RGS7: variants seen among roughly 807,000 people sequenced by gnomAD.
The protein encoded by RGS7 is regulator of G protein signaling 7, also known as regulator of G-protein signaling 7.
In RGS7, 27 loss-of-function variants were observed where a neutral mutation model predicts 81.1. The observed-to-expected ratio is 0.33, with a 90% confidence interval of 0.25 to 0.46. RGS7 has a LOEUF of 0.46. Ranked by LOEUF, RGS7 falls within the 20% of genes least tolerant of loss-of-function variation. The pLI is 1.00. For missense variants in RGS7, 396 were observed against 607.4 expected (o/e 0.65, Z 3.66); for synonymous variants, 208 against 207.7 (o/e 1.00, Z -0.01).
chr1:240,809,118 C>T (rs1689396808), intron 14 of RGS7, among the ~76,000 whole-genome samples: 1 of 152,002 alleles, frequency 6.6e-6, no homozygotes, highest in Non-Finnish European at 1.5e-5. Flanking sequence ...TTTAGTCACT[C>T]AAAGATAAAA....
At chr1:240,855,350 A>AGAAATT (rs1372214081) in intron 9 of RGS7, among the ~76,000 whole-genome samples, 2 of 150,364 alleles carry the variant, frequency 1.3e-5, no homozygotes, top group East Asian at 3.9e-4. Context: ...AAGAAAAGGA[A>AGAAATT]GAAATTATCT....
intron 5 of RGS7, among the ~76,000 whole-genome samples, chr1:240,934,876 C>CTTTGTTTT (rs1676328316): frequency 1.5e-5 from 1 of 67,154 alleles, no homozygotes; most frequent in Admixed American, 1.7e-4. Context: ...CTTCACATGG[C>CTTTGTTTT]TTTTTTTTTT....
intron 3 of RGS7, among the ~76,000 whole-genome samples, chr1:240,997,052 T>C (rs1265200875): frequency 6.6e-6 from 1 of 152,154 alleles, no homozygotes; most frequent in Non-Finnish European, 1.5e-5. Flanking sequence ...TGGGCTTAAG[T>C]GATCCTCCCA....
At chr1:241,334,769 T>A (rs1291053222) in intron 2 of RGS7, among the ~76,000 whole-genome samples, 4 of 151,606 alleles carry the variant, frequency 2.6e-5, no homozygotes, top group Non-Finnish European at 4.4e-5. Context: ...AGAAAAAAAA[T>A]AGAAAAAAAA....
chr1:240,985,268 T>A (rs1685487906), intron 3 of RGS7, among the ~76,000 whole-genome samples: 1 of 152,238 alleles, frequency 6.6e-6, no homozygotes, highest in African/African-American at 2.4e-5. Context: ...GAGTTGAGCA[T>A]CTATTTGTGG....
chr1:241,170,412 A>G (rs1306174070), intron 2 of RGS7, among the ~76,000 whole-genome samples: 1 of 152,246 alleles, frequency 6.6e-6, no homozygotes, highest in Non-Finnish European at 1.5e-5. Context: ...AGGTGCAATC[A>G]TGATTTAATG....
At chr1:241,039,939 G>C (rs1375113913) in intron 3 of RGS7, among the ~76,000 whole-genome samples, 2 of 152,200 alleles carry the variant, frequency 1.3e-5, no homozygotes, top group African/African-American at 4.8e-5. Flanking sequence ...TGCTGTTAGA[G>C]TTGATGGGAT....
chr1:241,004,581 C>T (rs974908153), intron 3 of RGS7, among the ~76,000 whole-genome samples: 3 of 152,248 alleles, frequency 2.0e-5, no homozygotes, highest in Admixed American at 6.5e-5. Context: ...TGGATGAAGA[C>T]CCAAAGATAT....
chr1:241,189,379 T>C (rs1010137090), intron 2 of RGS7, among the ~76,000 whole-genome samples: 1 of 152,194 alleles, frequency 6.6e-6, no homozygotes, highest in African/African-American at 2.4e-5. Context: ...ATTCTTACTG[T>C]TGTGTTAGAA....
intron 3 of RGS7, among the ~76,000 whole-genome samples, chr1:241,069,859 T>C (rs2062325070): frequency 3.9e-5 from 6 of 152,186 alleles, no homozygotes; most frequent in Admixed American, 3.9e-4. Context: ...TAAAGAAGAA[T>C]TTATATGTCA....
rs569445155 is a variant in RGS7 at position 240,940,342 on chromosome 1, T to A, written c.227-3636A>T. On this transcript the variant is annotated intron_variant, in intron 4 of 18. Coordinates refer to ENST00000440928, the MANE Select transcript of RGS7 (RefSeq NM_001364886.1). ...GTACATGTAAAACTAATAAAATGTGTATGATTTTCTCTATTAATCTGCCTG... is the reference window on the plus strand; with the variant it reads ...GTACATGTAAAACTAATAAAATGTGAATGATTTTCTCTATTAATCTGCCTG... Among the ~76,000 whole-genome samples, 3 of 152,332 alleles carry A rather than the reference T, an allele frequency of 2.0e-5. No individual in the cohort carries two copies. In the East Asian group the frequency reaches 5.8e-4, roughly 29 times the overall value.
chr1:241,120,691 A>T (rs1034217872), intron 2 of RGS7, among the ~76,000 whole-genome samples: 1 of 152,088 alleles, frequency 6.6e-6, no homozygotes, highest in African/African-American at 2.4e-5. Flanking sequence ...CTGTACAGAG[A>T]TCTTTTTACC....
intron 6 of RGS7, among the ~76,000 whole-genome samples, chr1:240,925,007 T>G (rs1197336884): frequency 6.6e-6 from 1 of 152,184 alleles, no homozygotes; most frequent in Non-Finnish European, 1.5e-5. Context: ...CTGTCTTTTT[T>G]GGACATTTCA....
rs868521266 is a variant in RGS7, at chr1:241,324,344, A to C, written c.78+31355T>G. On this transcript the variant is annotated intron_variant, in intron 2 of 18. Coordinates refer to ENST00000440928, the MANE Select transcript of RGS7 (RefSeq NM_001364886.1). ...AAAATATATAAAAGCAAAAAAAACAAAAAAAAAAGCAACTTTTTACTTAAA... is the reference window on the plus strand; with the variant it reads ...AAAATATATAAAAGCAAAAAAAACACAAAAAAAAGCAACTTTTTACTTAAA... Among the ~76,000 whole-genome samples, 8 of 149,616 alleles carry C rather than the reference A, an allele frequency of 5.3e-5. No homozygotes were observed. The South Asian group carries it at 1.8e-3, about 34-fold the overall frequency.
At chr1:240,852,963 C>G in intron 9 of RGS7, among the ~76,000 whole-genome samples, 1 of 152,154 alleles carries the variant, frequency 6.6e-6, no homozygotes, top group East Asian at 1.9e-4. Flanking sequence ...TTACCCTTGT[C>G]AGTGTGTGTT....
At chr1:240,908,244 T>C (rs896788123) in intron 6 of RGS7, among the ~76,000 whole-genome samples, 6 of 151,180 alleles carry the variant, frequency 4.0e-5, no homozygotes, top group East Asian at 2.0e-4. Flanking sequence ...AGATACCTAA[T>C]GTAAACGACG....
In RGS7 at chr1:241,089,092, T is replaced by TAC. The variant is rs1553414831; in HGVS notation, c.175+9573_175+9574insGT. ...ATATATATATATATATATATATATA[T>TAC]ATATACTGGCTTAGACCTAAGGTGA... On this transcript the variant is annotated intron_variant, in intron 3 of 18. Coordinates refer to ENST00000440928, the MANE Select transcript of RGS7 (RefSeq NM_001364886.1). Among the ~76,000 whole-genome samples, 833 of 100,052 alleles carry TAC rather than the reference T, an allele frequency of 8.3e-3. 56 individuals carry two copies. Among genetic ancestry groups the TAC allele is most frequent in the Middle Eastern group, 0.022 (5 of 224 alleles). The allele number at this position is 100,052 out of a possible 152,430, so 65.6% of individuals were successfully genotyped here.
chr1:241,200,215 T>C (rs538325199), intron 2 of RGS7, among the ~76,000 whole-genome samples: 2 of 152,328 alleles, frequency 1.3e-5, no homozygotes, highest in African/African-American at 4.8e-5. Flanking sequence ...AAAAAATTAA[T>C]GAAGCTTACA....
At chr1:240,937,859 G>A (rs1676904996) in intron 4 of RGS7, among the ~76,000 whole-genome samples, 1 of 152,112 alleles carries the variant, frequency 6.6e-6, no homozygotes, top group East Asian at 1.9e-4. Context: ...TCTATACAGT[G>A]TTCTAAATAT....
Sources: gnomAD v4.1 joint callset for allele counts (sites outside exome capture counted in the v4.1 genomes callset) on GRCh38, gnomAD v4.1.1 for gene constraint, MANE v1.5 for transcripts, NCBI Gene and HGNC (gene_info 2026-07-23, HGNC 2026-07-21) for gene names.